The following GRIP1 variants were observed in gnomAD, a reference collection of about 807,000 sequenced individuals.
GRIP1 encodes glutamate receptor interacting protein 1, also known as glutamate receptor-interacting protein 1.
In GRIP1, 45 loss-of-function variants were observed where a neutral mutation model predicts 129.9. The observed-to-expected ratio is 0.35, with a 90% CI of 0.27 to 0.44. GRIP1 has a LOEUF of 0.44. Among genes scored for constraint, GRIP1 ranks in the 20% least tolerant of loss-of-function variants. GRIP1 has a pLI of 1.00. For synonymous variants in GRIP1, 530 were observed against 520.8 expected, an observed-to-expected ratio of 1.02 and a Z score of -0.24; for missense variants, 1,196 against 1,396.8, an observed-to-expected ratio of 0.86 and a Z score of 2.29.
At chr12:66,387,786 G>A (rs896333925) in intron 19 of GRIP1, among the ~76,000 whole-genome samples, 1 of 152,122 alleles carries the variant, frequency 6.6e-6, no homozygotes, top group Admixed American at 6.5e-5. Context: ...GAAGAGAAAC[G>A]AAAGAGAAAA....
At chr12:67,023,642 C>A (rs2042899180) in intron 1 of GRIP1, among the ~76,000 whole-genome samples, 1 of 151,564 alleles carries the variant, frequency 6.6e-6, no homozygotes. Flanking sequence ...TTGTCAATTT[C>A]TACTAAAAAA....
chr12:66,377,092 CT>C, intron 21 of GRIP1, 31 bp from the exon 22 acceptor site: 2 of 1,599,592 alleles, frequency 1.3e-6, no homozygotes, highest in Non-Finnish European at 8.6e-7. Flanking sequence ...TTTAAATGAA[CT>C]GGTGTGAGAA....
chr12:67,047,133 T>C (rs978708243), intron 1 of GRIP1, among the ~76,000 whole-genome samples: 4 of 152,258 alleles, frequency 2.6e-5, no homozygotes, highest in African/African-American at 4.8e-5. Flanking sequence ...AAACCAAAGA[T>C]GTTTTAGAAG....
At chr12:67,005,880 G>A (rs1025092329) in intron 1 of GRIP1, among the ~76,000 whole-genome samples, 2 of 152,106 alleles carry the variant, frequency 1.3e-5, no homozygotes, top group Admixed American at 6.6e-5. Context: ...CTACACCAAT[G>A]GTAAAGACTA....
intron 1 of GRIP1, among the ~76,000 whole-genome samples, chr12:66,925,247 T>C (rs543248767): frequency 7.6e-4 from 115 of 152,296 alleles, no homozygotes; most frequent in Non-Finnish European, 1.4e-3. Context: ...TACACACTCA[T>C]GCCCAGAAGT....
At chr12:66,942,224 G>A (rs945874877) in intron 1 of GRIP1, among the ~76,000 whole-genome samples, 9 of 152,078 alleles carry the variant, frequency 5.9e-5, no homozygotes, top group Non-Finnish European at 1.0e-4. Context: ...AGCGGATCAG[G>A]GATGAATTCC....
At chr12:66,355,388 C>CGAG (rs1390789443) in intron 23 of GRIP1, among the ~76,000 whole-genome samples, 1 of 152,160 alleles carries the variant, frequency 6.6e-6, no homozygotes, top group Non-Finnish European at 1.5e-5. Context: ...ATCCTTATAA[C>CGAG]GATTCCGTAA....
intron 21 of GRIP1, 50 bp from the exon 22 acceptor site, chr12:66,377,111 C>G: frequency 2.5e-6 from 4 of 1,577,648 alleles, no homozygotes; most frequent in Non-Finnish European, 2.6e-6. Flanking sequence ...GAAATGCAAA[C>G]TTAAAAGGAC....
chr12:66,575,823 G>A (rs571207643), intron 2 of GRIP1, among the ~76,000 whole-genome samples: 15 of 152,206 alleles, frequency 9.9e-5, no homozygotes, highest in Admixed American at 3.9e-4. Context: ...TACCTCCAGT[G>A]GCTTCAAAGG....
At chr12:67,032,151 C>T (rs2043032154) in intron 1 of GRIP1, among the ~76,000 whole-genome samples, 1 of 152,292 alleles carries the variant, frequency 6.6e-6, no homozygotes, top group Admixed American at 6.5e-5. Context: ...TAGTATATTT[C>T]TCATGCCATC....
At chr12:66,821,881 T>C (rs1259192391) in intron 1 of GRIP1, among the ~76,000 whole-genome samples, 3 of 152,136 alleles carry the variant, frequency 2.0e-5, no homozygotes, top group African/African-American at 2.4e-5. Context: ...TCATATCTAA[T>C]AGGGGTTTTG....
intron 1 of GRIP1, among the ~76,000 whole-genome samples, chr12:66,983,805 C>A (rs936714263): frequency 1.3e-5 from 2 of 152,098 alleles, no homozygotes; most frequent in African/African-American, 4.8e-5. Flanking sequence ...ATAGTATTGC[C>A]CTTGGCTGCT....
chr12:66,761,465 C>T (rs921139177), intron 1 of GRIP1, among the ~76,000 whole-genome samples: 9 of 152,108 alleles, frequency 5.9e-5, no homozygotes, highest in East Asian at 1.9e-4. Context: ...ACCAATCCTT[C>T]GGAGACCTTC....
chr12:66,463,736 A>C (rs1164985858), intron 8 of GRIP1, among the ~76,000 whole-genome samples: 1 of 152,140 alleles, frequency 6.6e-6, no homozygotes, highest in Non-Finnish European at 1.5e-5. Context: ...AAGGGGAAAG[A>C]TGGGGGCAGG....
intron 1 of GRIP1, among the ~76,000 whole-genome samples, chr12:66,942,773 T>C (rs765704962): frequency 1.1e-4 from 16 of 152,152 alleles, no homozygotes; most frequent in Non-Finnish European, 1.8e-4. Flanking sequence ...CCTAATGGCA[T>C]GGTATTAGGA....
At chr12:66,750,520 G>C (rs2037091992) in intron 1 of GRIP1, among the ~76,000 whole-genome samples, 1 of 152,160 alleles carries the variant, frequency 6.6e-6, no homozygotes, top group Non-Finnish European at 1.5e-5. Context: ...TCAAGGGGAG[G>C]AGGTCACAGG....
chr12:66,638,174 T>C (rs1404074193), intron 1 of GRIP1, among the ~76,000 whole-genome samples: 1 of 152,212 alleles, frequency 6.6e-6, no homozygotes, highest in African/African-American at 2.4e-5. Flanking sequence ...GTGAGAGCGA[T>C]GGCAAGTTGT....
chr12:66,853,296 TC>T, intron 1 of GRIP1, among the ~76,000 whole-genome samples: 1 of 152,058 alleles, frequency 6.6e-6, no homozygotes, highest in East Asian at 1.9e-4. Flanking sequence ...GCTTTTTTTT[TC>T]CTAAGCCTTT....
intron 1 of GRIP1, among the ~76,000 whole-genome samples, chr12:67,068,335 C>G (rs1332825731): frequency 6.6e-6 from 1 of 152,112 alleles, no homozygotes; most frequent in Non-Finnish European, 1.5e-5. Context: ...CCGCCTTTTG[C>G]AAAGAAAATA....
Sources: allele counts gnomAD v4.1 joint callset (sites outside exome capture counted in the v4.1 genomes callset), GRCh38; gene constraint gnomAD v4.1.1; transcripts MANE v1.5; gene names NCBI Gene and HGNC (gene_info 2026-07-23, HGNC 2026-07-21).